Variants in BCL11A observed in about 807,000 individuals in gnomAD.
The protein encoded by BCL11A is BCL11 transcription factor A, also known as B cell CLL/lymphoma 11A.
A neutral mutation model predicts 55.9 loss-of-function variants in BCL11A; 2 were observed. The observed-to-expected ratio is 0.04, with a 90% confidence interval of 0.01 to 0.11. BCL11A has a LOEUF of 0.11. Ranked by LOEUF, BCL11A falls within the 10% of genes least tolerant of loss-of-function variation. BCL11A has a pLI of 1.00. For missense variants in BCL11A, 817 were observed against 1,137.1 expected (o/e 0.72, Z 4.05); for synonymous variants, 465 against 473.4 (o/e 0.98, Z 0.23).
chr2:60,462,932 C>T (rs1189283931), intron 3 of BCL11A, among the ~76,000 whole-genome samples: 2 of 152,012 alleles, frequency 1.3e-5, no homozygotes, highest in Non-Finnish European at 2.9e-5. Context: ...ATAGAGGTAT[C>T]AAAAAAGGGG....
chr2:60,510,966 G>C (rs747701217), intron 2 of BCL11A, among the ~76,000 whole-genome samples: 1 of 152,248 alleles, frequency 6.6e-6, no homozygotes, highest in Admixed American at 6.5e-5. Flanking sequence ...CTAAGGCTTA[G>C]GTGGAGCCTC....
chr2:60,460,795 A>C lies in BCL11A; in HGVS notation c.2117T>G (p.Leu706Arg). Reference protein sequence around the residue: ...SLRFSTPPGELDGGISGRSGT... With the variant: ...SLRFSTPPGERDGGISGRSGT... ...GCTGCGCCCCGAGATCCCTCCGTCCAGCTCCCCGGGCGGTGTGGAGAAGCG... is the reference window on the plus strand; with the variant it reads ...GCTGCGCCCCGAGATCCCTCCGTCCCGCTCCCCGGGCGGTGTGGAGAAGCG... The change falls in exon 4 of 4, where the codon CTG becomes CGG. Residue 706 changes from leucine (L) to arginine (R), a missense_variant. This residue lies in a region of BCL11A where 379 missense variants were observed against 425.3 expected (regional missense o/e 0.89). Transcript: ENST00000642384. 1 of 1,612,988 alleles carries C rather than the reference A, an allele frequency of 6.2e-7. No homozygotes were observed. The highest frequency in any genetic ancestry group is 1.1e-5 in the South Asian group (1 of 91,082).
In BCL11A at chr2:60,546,918, C is replaced by A. The variant is rs1670183511; in HGVS notation, c.56-618G>T. On this transcript the variant is annotated intron_variant, in intron 1 of 3. Transcript: ENST00000642384. The surrounding 1 kb of genome is among the most constrained non-coding windows in gnomAD (Gnocchi z 4.1). Reference sequence around the variant, plus strand: ...GCTGTAATAAGAAAACGACTGCATGCACCTATGAAACGGATCTAAATAATA... The same window carrying A: ...GCTGTAATAAGAAAACGACTGCATGAACCTATGAAACGGATCTAAATAATA... 6.6e-6 allele frequency among the ~76,000 whole-genome samples: 1 copy of A among 152,180 alleles called. No homozygotes were observed. Among genetic ancestry groups the A allele is most frequent in the African/African-American group, 2.4e-5 (1 of 41,434 alleles).
At chr2:60,467,675 A>G (rs1361377147) in intron 3 of BCL11A, among the ~76,000 whole-genome samples, 27 of 34,346 alleles carry the variant, frequency 7.9e-4, no homozygotes, top group South Asian at 1.3e-3. Flanking sequence ...ACTGGTGGTG[A>G]TGGTGATGGT....
At chr2:60,488,398 A>G (rs2104278898) in intron 2 of BCL11A, among the ~76,000 whole-genome samples, 1 of 152,350 alleles carries the variant, frequency 6.6e-6, no homozygotes, top group East Asian at 1.9e-4. Flanking sequence ...AGATGACAGT[A>G]CTTGAGATAA....
downstream of BCL11A, among the ~76,000 whole-genome samples, chr2:60,455,601 T>C (rs1675904150): frequency 6.6e-6 from 1 of 152,180 alleles, no homozygotes; most frequent in Non-Finnish European, 1.5e-5. Context: ...CATTCCCCAT[T>C]TGATTTAAGA....
Position 60,462,390 on chromosome 2 carries a change from A to G in BCL11A, c.522T>C (p.Thr174=), listed in dbSNP as rs887592511. The G allele has an allele frequency of 1.3e-5, 21 of 1,612,162 alleles. No individual in the cohort carries two copies. Among genetic ancestry groups the G allele is most frequent in the Middle Eastern group, 1.6e-4 (1 of 6,072 alleles). Residue 174 remains threonine (T), a synonymous_variant, in exon 4 of 4, where the codon ACT becomes ACC. Coordinates refer to ENST00000642384, the MANE Select transcript of BCL11A (RefSeq NM_022893.4). Reference sequence around the variant, plus strand: ...ATGCACTGGTGAATGGCTGTTTGCAAGTTGTACATGTGTAGCTGCTGGGCT... The same window carrying G: ...ATGCACTGGTGAATGGCTGTTTGCAGGTTGTACATGTGTAGCTGCTGGGCT... ...KDEPSSYTCT[T]CKQPFTSAWF... is the part of the protein sequence containing the mutation.
intron 1 of BCL11A, among the ~76,000 whole-genome samples, chr2:60,550,399 C>CCCCCCA (rs1416676892): frequency 2.3e-4 from 35 of 152,300 alleles, no homozygotes; most frequent in African/African-American, 4.3e-4. Flanking sequence ...ACCGTTCTTT[C>CCCCCCA]CCCCCACCCC....
intron 3 of BCL11A, 73 bp from the exon 4 acceptor site, chr2:60,462,497 C>A: frequency 6.5e-7 from 1 of 1,533,032 alleles, no homozygotes; most frequent in South Asian, 1.3e-5. Flanking sequence ...TATTTATGTT[C>A]CACCTCCAGC....
chr2:60,514,236 G>T (rs1008487764), intron 2 of BCL11A, among the ~76,000 whole-genome samples: 4 of 152,174 alleles, frequency 2.6e-5, no homozygotes, highest in Non-Finnish European at 5.9e-5. Context: ...GCCCAGAAGG[G>T]CCACAACTGA....
At chr2:60,511,171 C>G (rs927508246) in intron 2 of BCL11A, among the ~76,000 whole-genome samples, 10 of 152,220 alleles carry the variant, frequency 6.6e-5, no homozygotes, top group Admixed American at 2.6e-4. Flanking sequence ...TCCATTCTTG[C>G]TTTCAGATTC....
At chr2:60,468,050 C>CTT (rs373325713) in intron 3 of BCL11A, among the ~76,000 whole-genome samples, 7 of 9,270 alleles carry the variant, frequency 7.6e-4, no homozygotes, top group Admixed American at 1.2e-3. Context: ...GGTGATGGTA[C>CTT]TGGTGGTGAT....
At chr2:60,451,134 G>A (rs558721786), downstream of BCL11A, 45 of 185,116 alleles carry the variant, frequency 2.4e-4, no homozygotes, top group East Asian at 4.0e-3. Context: ...GCACGAGACA[G>A]CACTGTATAC....
chr2:60,476,755 A>C (rs990607184), intron 2 of BCL11A, among the ~76,000 whole-genome samples: 2 of 152,242 alleles, frequency 1.3e-5, no homozygotes, highest in African/African-American at 4.8e-5. Flanking sequence ...TCAAGTAGTT[A>C]ATGATCTGTA....
At chr2:60,480,958 T>C (rs1375392302) in intron 2 of BCL11A, among the ~76,000 whole-genome samples, 30 of 152,122 alleles carry the variant, frequency 2.0e-4, no homozygotes, top group Non-Finnish European at 5.9e-5. Flanking sequence ...TTTGCTCCAC[T>C]AAAAGGGCTT....
intron 3 of BCL11A, 45 bp downstream of exon 3, chr2:60,468,687 C>G: frequency 2.1e-6 from 3 of 1,430,780 alleles, no homozygotes; most frequent in Non-Finnish European, 2.9e-6. Flanking sequence ...AAATTCTCAT[C>G]TCTATACACA....
intron 3 of BCL11A, among the ~76,000 whole-genome samples, chr2:60,467,120 GTGGTGGTGA>G (rs1459862565): frequency 4.5e-5 from 6 of 134,276 alleles, no homozygotes; most frequent in Non-Finnish European, 8.1e-5. Flanking sequence ...AGTGGTGGTG[GTGGTGGTGA>G]TGGTGGTGTT....
In BCL11A at chr2:60,462,170, A is replaced by T. The variant is rs1321212768; in HGVS notation, c.742T>A (p.Ser248Thr). The part of the protein sequence containing the change: ...FNLLRIPGSV[S>T]REASGLAEGR... ...TCTGCCAGGCCGGAAGCCTCTCTCG[A>T]TACTGATCCTGGTATTCTTAGCAGG... The change falls in exon 4 of 4, where the codon TCG becomes ACG. Residue 248 changes from serine to threonine, a missense_variant. Around this residue, in one of 4 missense-constraint regions of BCL11A, gnomAD observed 363 missense variants for 486.6 expected, o/e 0.75. Coordinates refer to ENST00000642384, the MANE Select transcript of BCL11A (RefSeq NM_022893.4). 6.3e-7 allele frequency: 1 copy of T among 1,585,048 alleles called. No individual in the cohort carries two copies. The highest frequency in any genetic ancestry group is 8.6e-7 in the Non-Finnish European group (1 of 1,166,006).
intron 2 of BCL11A, 79 bp from the exon 3 acceptor site, chr2:60,468,912 C>T (rs1184488665): frequency 1.2e-6 from 1 of 861,646 alleles, no homozygotes; most frequent in Non-Finnish European, 1.9e-6. Context: ...CATTTCAATT[C>T]CATTAAAATA....
Sources: gnomAD v4.1 joint callset for allele counts (sites outside exome capture counted in the v4.1 genomes callset) on GRCh38, gnomAD v4.1.1 for gene constraint, gnomAD v4.1.1 regional missense constraint, Gnocchi (gnomAD v3.1) non-coding constraint, MANE v1.5 for transcripts, NCBI Gene and HGNC (gene_info 2026-07-23, HGNC 2026-07-21) for gene names.